Variants in IL17RD observed in about 807,000 individuals in gnomAD.
IL17RD encodes the protein interleukin-17 receptor D.
Under a neutral mutation model 80.5 loss-of-function variants are expected in IL17RD, and 52 were observed. The ratio of observed to expected loss-of-function variants is 0.65; its 90% CI spans 0.52 to 0.81. The LOEUF (loss-of-function observed/expected upper bound fraction) is 0.81, where lower values mean the gene tolerates loss of function less well. Ranked by LOEUF, IL17RD falls within the 40% of genes least tolerant of loss-of-function variation. The pLI is 0.00. For missense variants in IL17RD, 1,024 were observed against 955.1 expected (o/e 1.07, Z -0.95); for synonymous variants, 416 against 391.8 (o/e 1.06, Z -0.73).
chr3:57,106,648 T>C (rs926151953), intron 5 of IL17RD, among the ~76,000 whole-genome samples: 3 of 152,232 alleles, frequency 2.0e-5, no homozygotes, highest in Non-Finnish European at 4.4e-5. Flanking sequence ...TTCTTGAAAT[T>C]ACATGCAGGC....
intron 1 of IL17RD, among the ~76,000 whole-genome samples, chr3:57,154,178 G>A (rs1392492491): frequency 6.6e-6 from 1 of 151,512 alleles, no homozygotes; most frequent in Non-Finnish European, 1.5e-5. Context: ...GAGCCCAGGA[G>A]TTCAAGGCTG....
chr3:57,166,597 G>A (rs1403881651), upstream of IL17RD, among the ~76,000 whole-genome samples: 1 of 152,038 alleles, frequency 6.6e-6, no homozygotes, highest in Non-Finnish European at 1.5e-5. Flanking sequence ...GTTTGGAGGA[G>A]GATTAATAAA....
intron 1 of IL17RD, chr3:57,164,865 G>C (rs1450560082): frequency 8.6e-7 from 1 of 1,166,820 alleles, no homozygotes; most frequent in Non-Finnish European, 1.1e-6. Context: ...TGGGGCGCCC[G>C]GCCCAGCCCC....
chr3:57,097,996 A>G lies in IL17RD; in HGVS notation c.1707T>C (p.Pro569=). 1 of 1,613,990 alleles carries G rather than the reference A, an allele frequency of 6.2e-7. No homozygotes were observed. The highest frequency in any genetic ancestry group is 8.5e-7 in the Non-Finnish European group (1 of 1,179,886). Residue 569 remains proline (P), a synonymous_variant, in exon 12 of 13, where the codon CCT becomes CCC. Transcript: ENST00000296318. ...WFEKQFVPFH[P]PPLRYREPVL... The stretch of plus-strand genomic sequence containing the variant: ...CTGGCTCCCGGTAGCGCAGTGGAGG[A>G]GGATGGAAGGGAACGAACTGCTTTT...
chr3:57,164,993 T>C (rs1415871251), intron 1 of IL17RD, 168 bp downstream of exon 1: 2 of 1,333,462 alleles, frequency 1.5e-6, no homozygotes, highest in South Asian at 3.7e-5. Context: ...AGGACACGCG[T>C]CCGGGGAGGG....
chr3:57,165,038 G>C, intron 1 of IL17RD, 123 bp downstream of exon 1: 1 of 1,356,034 alleles, frequency 7.4e-7, no homozygotes, highest in Non-Finnish European at 9.4e-7. Flanking sequence ...GTGAGACCCA[G>C]GCCGGCCGCG....
chr3:57,110,426 A>C, intron 3 of IL17RD, 115 bp from the exon 4 acceptor site: 1 of 1,181,010 alleles, frequency 8.5e-7, no homozygotes, highest in South Asian at 1.4e-5. Context: ...AGGAATTCTA[A>C]CTGTGGCCAG....
chr3:57,122,410 G>A (rs1411810141), intron 1 of IL17RD, among the ~76,000 whole-genome samples: 1 of 152,188 alleles, frequency 6.6e-6, no homozygotes, highest in Non-Finnish European at 1.5e-5. Flanking sequence ...CCTGGTCCAT[G>A]GCCTGTTAGG....
chr3:57,129,105 C>T (rs1029393592), intron 1 of IL17RD, among the ~76,000 whole-genome samples: 1 of 152,276 alleles, frequency 6.6e-6, no homozygotes, highest in South Asian at 2.1e-4. Flanking sequence ...GAACTGGCAT[C>T]TTTAAGGTAA....
At chr3:57,124,554 A>G (rs1168802645) in intron 1 of IL17RD, among the ~76,000 whole-genome samples, 1 of 152,170 alleles carries the variant, frequency 6.6e-6, no homozygotes, top group Non-Finnish European at 1.5e-5. Context: ...CACAGAAAGC[A>G]GGCGGCCTCT....
At chr3:57,169,543 A>AC (rs2107554049), upstream of IL17RD, 1 of 203,384 alleles carries the variant, frequency 4.9e-6, no homozygotes, top group South Asian at 6.7e-5. Context: ...CCCGTGAAAC[A>AC]TAAAAAAAGA....
Position 57,108,072 on chromosome 3 carries a change from C to CT in IL17RD, c.550+1464dup, listed in dbSNP as rs376771012. Reference sequence around the variant, plus strand: ...ACTTTTTATTCCTTTTTTTTTTTTTCTTTTTGAGATGGAGTCTTGCTCTGT... The same window carrying CT: ...ACTTTTTATTCCTTTTTTTTTTTTTCTTTTTTGAGATGGAGTCTTGCTCTGT... On this transcript the variant is annotated intron_variant, in intron 5 of 12. Transcript: ENST00000296318. 1.9e-3 allele frequency among the ~76,000 whole-genome samples: 248 copies of CT among 129,402 alleles called. 2 individuals carry two copies. Among genetic ancestry groups the CT allele is most frequent in the African/African-American group, 6.9e-3 (243 of 35,408 alleles). 84.9% of individuals were successfully genotyped at this position (129,402 alleles called of 152,430 possible).
In IL17RD at chr3:57,091,035, CA is replaced by C. The variant is rs1478016833; in HGVS notation, c.*5357del. 3.9e-5 allele frequency: 6 copies of C among 152,610 alleles called. No individual in the cohort carries two copies. Among genetic ancestry groups the C allele is most frequent in the African/African-American group, 1.4e-4 (6 of 41,448 alleles). The allele number at this position is 152,610 out of a possible 1,614,324, so 9.5% of individuals were successfully genotyped here. Reference sequence around the variant, plus strand: ...CTGGCCAAAATTCCCCAGACATCTTCACTGGGAGATTCAAATGTCTTTGCAA... The same window carrying C: ...CTGGCCAAAATTCCCCAGACATCTTCCTGGGAGATTCAAATGTCTTTGCAA... On this transcript the variant is annotated 3_prime_UTR_variant, in exon 13 of 13. Coordinates refer to ENST00000296318, the MANE Select transcript of IL17RD (RefSeq NM_017563.5).
At position 57,101,344 on chromosome 3, in the gene IL17RD, T is replaced by A; in HGVS notation, c.999A>T (p.Leu333Phe). 1 of 1,602,876 alleles carries A rather than the reference T, an allele frequency of 6.2e-7. No homozygotes were observed. Among genetic ancestry groups the A allele is most frequent in the African/African-American group, 1.3e-5 (1 of 74,602 alleles). ...KKQQENIYSH[L>F]DEESSESSTY... Reference sequence around the variant, plus strand: ...TGGAAGACTCAGAGCTCTCTTCATCTAAATGTGAATATATATTTTCTAAAT... The same window carrying A: ...TGGAAGACTCAGAGCTCTCTTCATCAAAATGTGAATATATATTTTCTAAAT... The change falls in exon 11 of 13, where the codon TTA (leucine) becomes TTT (phenylalanine). Residue 333 changes from leucine to phenylalanine, a missense_variant. Coordinates refer to ENST00000296318, the MANE Select transcript of IL17RD (RefSeq NM_017563.5).
At chr3:57,102,645 G>T in intron 9 of IL17RD, 56 bp from the exon 10 acceptor site, 1 of 885,354 alleles carries the variant, frequency 1.1e-6, no homozygotes, top group Non-Finnish European at 1.7e-6. Flanking sequence ...GGTTCAAAGA[G>T]AAACAACTTT....
intron 5 of IL17RD, among the ~76,000 whole-genome samples, chr3:57,106,626 G>A (rs958474004): frequency 6.6e-6 from 1 of 152,210 alleles, no homozygotes; most frequent in African/African-American, 2.4e-5. Context: ...AATTTAAGAT[G>A]CTTTTGATGG....
chr3:57,150,606 A>G (rs572664259), intron 1 of IL17RD: 21 of 152,334 alleles, frequency 1.4e-4, no homozygotes, highest in Admixed American at 3.3e-4. Context: ...CGAAAGGTAC[A>G]CTGTCCCGGA....
At chr3:57,154,283 T>TATACACACACACACACACACAC (rs904157398) in intron 1 of IL17RD, among the ~76,000 whole-genome samples, 2 of 112,910 alleles carry the variant, frequency 1.8e-5, no homozygotes, top group African/African-American at 6.3e-5. Flanking sequence ...TATATATATA[T>TATACACACACACACACACACAC]ACACACACAC....
chr3:57,112,102 T>C (rs1416814311), intron 3 of IL17RD, among the ~76,000 whole-genome samples: 1 of 152,212 alleles, frequency 6.6e-6, no homozygotes, highest in African/African-American at 2.4e-5. Flanking sequence ...GCAAACGTAA[T>C]TCCTTTATCC....
Sources: allele counts gnomAD v4.1 joint callset (sites outside exome capture counted in the v4.1 genomes callset), GRCh38; gene constraint gnomAD v4.1.1; transcripts MANE v1.5; gene names NCBI Gene and HGNC (gene_info 2026-07-23, HGNC 2026-07-21).